The following NKAIN2 variants were observed in gnomAD, a reference collection of about 807,000 sequenced individuals.
NKAIN2 encodes sodium/potassium-transporting ATPase subunit beta-1-interacting protein 2.
Under a neutral mutation model 32.6 loss-of-function variants are expected in NKAIN2, and 14 were observed. That is an observed-to-expected ratio of 0.43 (90% confidence interval 0.28 to 0.67). The LOEUF (loss-of-function observed/expected upper bound fraction) is 0.67. NKAIN2 is among the 30% of genes least tolerant of loss of function. The pLI is 0.17. For missense variants in NKAIN2, 198 were observed against 258.3 expected (o/e 0.77, Z 1.60); for synonymous variants, 80 against 87.2 (o/e 0.92, Z 0.46).
intron 4 of NKAIN2, among the ~76,000 whole-genome samples, chr6:124,770,448 ACAC>A (rs2114757763): frequency 6.6e-6 from 1 of 152,178 alleles, no homozygotes; most frequent in East Asian, 1.9e-4. Flanking sequence ...GTGCTGAAAA[ACAC>A]CTTCAAATCC....
rs190247647 is a variant in NKAIN2 at position 124,294,810 on chromosome 6, C to T, written c.192+11668C>T. 6.2e-4 allele frequency among the ~76,000 whole-genome samples: 94 copies of T among 152,032 alleles called. No individual in the cohort carries two copies. In the Middle Eastern group the frequency reaches 0.01, roughly 17 times the overall value. On this transcript the variant is annotated intron_variant, in intron 2 of 6. Transcript: ENST00000368417. ...GTTGACTCATCTGGGAACTCCATGCCCAGTAAGATGTTATCTACACCCCAC... is the reference window on the plus strand; with the variant it reads ...GTTGACTCATCTGGGAACTCCATGCTCAGTAAGATGTTATCTACACCCCAC...
At chr6:123,896,565 T>G (rs190915115) in intron 1 of NKAIN2, among the ~76,000 whole-genome samples, 179 of 152,334 alleles carry the variant, frequency 1.2e-3, no homozygotes, top group Non-Finnish European at 2.4e-3. Context: ...CTGTGAACTA[T>G]GTGTTATTAT....
chr6:124,077,346 T>A (rs771446268), intron 1 of NKAIN2, among the ~76,000 whole-genome samples: 3 of 152,240 alleles, frequency 2.0e-5, no homozygotes, highest in Non-Finnish European at 4.4e-5. Context: ...ATCCGTTTTC[T>A]CACTCTTCTA....
At chr6:124,595,646 A>G (rs562838793) in intron 3 of NKAIN2, among the ~76,000 whole-genome samples, 1 of 122,652 alleles carries the variant, frequency 8.2e-6, no homozygotes, top group African/African-American at 3.0e-5. Context: ...TAACATATAT[A>G]CCTTGGGCAA....
At chr6:124,107,440 G>C (rs529471823) in intron 1 of NKAIN2, among the ~76,000 whole-genome samples, 1 of 152,216 alleles carries the variant, frequency 6.6e-6, no homozygotes, top group East Asian at 1.9e-4. Context: ...AGTAATTATT[G>C]AGGTGGTAGC....
intron 3 of NKAIN2, among the ~76,000 whole-genome samples, chr6:124,594,368 A>G (rs966125860): frequency 2.6e-5 from 4 of 152,234 alleles, no homozygotes; most frequent in African/African-American, 9.6e-5. Context: ...AACTTGGTAG[A>G]CAGAAATTCA....
intron 1 of NKAIN2, among the ~76,000 whole-genome samples, chr6:124,169,519 CAAATT>C (rs1347526170): frequency 6.6e-6 from 1 of 152,036 alleles, no homozygotes; most frequent in Non-Finnish European, 1.5e-5. Flanking sequence ...TATAGTTTCT[CAAATT>C]AAATTAATTT....
intron 4 of NKAIN2, among the ~76,000 whole-genome samples, chr6:124,747,682 G>A (rs528726593): frequency 4.6e-5 from 7 of 151,810 alleles, no homozygotes; most frequent in East Asian, 2.0e-4. Context: ...ATGAATAGTC[G>A]CATACATTTT....
intron 1 of NKAIN2, among the ~76,000 whole-genome samples, chr6:124,028,913 G>GTA (rs1319985613): frequency 1.4e-4 from 2 of 13,820 alleles, no homozygotes; most frequent in Admixed American, 1.8e-3. Context: ...ACACATATAT[G>GTA]TATATATATG....
chr6:123,938,453 C>T lies in NKAIN2; in HGVS notation c.54+134199C>T, dbSNP rs547859682. ...ATATATATATATATATATATATATACACACACACACACACGCATATTATAC... is the reference window on the plus strand; with the variant it reads ...ATATATATATATATATATATATATATACACACACACACACGCATATTATAC... On this transcript the variant is annotated intron_variant, in intron 1 of 6. Transcript: ENST00000368417. 2.4e-3 allele frequency among the ~76,000 whole-genome samples: 192 copies of T among 81,560 alleles called. 1 individual carries two copies. The highest frequency in any genetic ancestry group is 0.011 in the Middle Eastern group (2 of 186). The allele number at this position is 81,560 out of a possible 152,430, so 53.5% of individuals were successfully genotyped here. A position where few individuals can be genotyped will look rare whatever the true frequency, so the allele number is the denominator to read the frequency against.
intron 2 of NKAIN2, among the ~76,000 whole-genome samples, chr6:124,288,219 AGG>A (rs1795650344): frequency 1.3e-5 from 2 of 152,204 alleles, no homozygotes; most frequent in Non-Finnish European, 2.9e-5. Flanking sequence ...TCATATGGAA[AGG>A]AAATAGTAGA....
chr6:124,154,252 A>G (rs802255), intron 1 of NKAIN2, among the ~76,000 whole-genome samples: 119,121 of 151,786 alleles, frequency 0.78, 48,204 homozygotes, highest in Non-Finnish European at 0.88. Context: ...AAATATGAAT[A>G]CTTAATTTGA....
At position 124,013,975 on chromosome 6, in the gene NKAIN2, G is replaced by A. The variant is rs537267926; in HGVS notation, c.54+209721G>A. Among the ~76,000 whole-genome samples, 3 of 152,234 alleles carry A rather than the reference G, an allele frequency of 2.0e-5. No individual in the cohort carries two copies. In the South Asian group the frequency reaches 6.2e-4, roughly 32 times the overall value. On this transcript the variant is annotated intron_variant, in intron 1 of 6. Coordinates refer to ENST00000368417, the MANE Select transcript of NKAIN2 (RefSeq NM_001040214.3). Reference sequence around the variant, plus strand: ...AGCACCTAGGTTTTAGTCTAGGGGTGATTACTGAACTTCTGATCTATAGAA... The same window carrying A: ...AGCACCTAGGTTTTAGTCTAGGGGTAATTACTGAACTTCTGATCTATAGAA...
At chr6:124,601,252 G>GTACCAT in intron 3 of NKAIN2, among the ~76,000 whole-genome samples, 1 of 152,160 alleles carries the variant, frequency 6.6e-6, no homozygotes, top group African/African-American at 2.4e-5. Flanking sequence ...AATGGGAGTT[G>GTACCAT]TACCATTACC....
chr6:124,219,906 A>G (rs1290941799), intron 1 of NKAIN2, among the ~76,000 whole-genome samples: 1 of 152,204 alleles, frequency 6.6e-6, no homozygotes, highest in Non-Finnish European at 1.5e-5. Flanking sequence ...ACAAATTTAG[A>G]TACGAAAGAT....
intron 2 of NKAIN2, among the ~76,000 whole-genome samples, chr6:124,345,433 G>A (rs149581945): frequency 2.0e-5 from 3 of 152,104 alleles, no homozygotes; most frequent in Non-Finnish European, 4.4e-5. Flanking sequence ...TTATACCTCT[G>A]GTAGAATTTG....
At chr6:124,021,177 T>C (rs1036208278) in intron 1 of NKAIN2, among the ~76,000 whole-genome samples, 1 of 152,108 alleles carries the variant, frequency 6.6e-6, no homozygotes, top group Admixed American at 6.6e-5. Context: ...GGAAGCATTA[T>C]GTTATGACTA....
At chr6:124,200,888 C>T (rs1790558275) in intron 1 of NKAIN2, among the ~76,000 whole-genome samples, 1 of 152,004 alleles carries the variant, frequency 6.6e-6, no homozygotes, top group South Asian at 2.1e-4. Context: ...CTGCCATCTG[C>T]GTGCTAATTA....
At chr6:124,215,036 G>A (rs1024555327) in intron 1 of NKAIN2, among the ~76,000 whole-genome samples, 7 of 151,900 alleles carry the variant, frequency 4.6e-5, no homozygotes. Flanking sequence ...ACAGAAAAGA[G>A]AAATAAATCA....
Sources: allele counts gnomAD v4.1 joint callset (sites outside exome capture counted in the v4.1 genomes callset), GRCh38; gene constraint gnomAD v4.1.1; transcripts MANE v1.5; gene names NCBI Gene and HGNC (gene_info 2026-07-23, HGNC 2026-07-21).